The following SLC4A8 variants were observed in gnomAD, a reference collection of about 807,000 sequenced individuals.
The protein encoded by SLC4A8 is electroneutral sodium bicarbonate exchanger 1.
SLC4A8 carries 40 observed loss-of-function variants against 125.0 expected under a neutral mutation model. The ratio of observed to expected loss-of-function variants is 0.32; its 90% CI spans 0.25 to 0.42. SLC4A8 has a LOEUF of 0.42. Ranked by LOEUF, SLC4A8 falls within the 10% of genes least tolerant of loss-of-function variation. The pLI is 1.00. For missense variants in SLC4A8, 863 were observed against 1,355.1 expected (o/e 0.64, Z 5.70); for synonymous variants, 456 against 476.0 (o/e 0.96, Z 0.55).
chr12:51,483,277 A>G (rs1003323459), intron 16 of SLC4A8, among the ~76,000 whole-genome samples: 9 of 151,724 alleles, frequency 5.9e-5, no homozygotes, highest in African/African-American at 1.9e-4. Flanking sequence ...TTGGGGGGAG[A>G]ATATTTGCCT....
intron 1 of SLC4A8, among the ~76,000 whole-genome samples, chr12:51,427,063 G>T (rs1228119953): frequency 2.0e-5 from 3 of 150,752 alleles, no homozygotes; most frequent in South Asian, 2.1e-4. Context: ...CTCGGTCTCC[G>T]GAGTAGCTGC....
At chr12:51,447,263 T>TA (rs1727999536) in intron 2 of SLC4A8, among the ~76,000 whole-genome samples, 1 of 151,988 alleles carries the variant, frequency 6.6e-6, no homozygotes, top group East Asian at 1.9e-4. Flanking sequence ...TTTTTTTTTT[T>TA]ACACCTTTTG....
At chr12:51,490,190 A>C (rs1951271542) in intron 19 of SLC4A8, among the ~76,000 whole-genome samples, 1 of 152,172 alleles carries the variant, frequency 6.6e-6, no homozygotes, top group South Asian at 2.1e-4. Flanking sequence ...GCTTTCTGGC[A>C]CTATAGAGAA....
rs1301155593 is a variant in SLC4A8, at chr12:51,515,679, G to A, written c.*8241G>A. 4 of 152,116 alleles carry A rather than the reference G, an allele frequency of 2.6e-5. No homozygotes were observed. The highest frequency in any genetic ancestry group is 5.9e-5 in the Non-Finnish European group (4 of 68,016). The allele number at this position is 152,116 out of a possible 1,614,324, so 9.4% of individuals were successfully genotyped here. A position where few individuals can be genotyped will look rare whatever the true frequency, so the allele number is the denominator to read the frequency against. ...TCTGTGAACCAGGGCAGGTAATTGT[G>A]ACACTGCATCTCATAGAACTCTGCC... On this transcript the variant is annotated 3_prime_UTR_variant, in exon 25 of 25. Coordinates refer to ENST00000453097, the MANE Select transcript of SLC4A8 (RefSeq NM_001039960.3).
chr12:51,450,837 T>C, intron 2 of SLC4A8, 39 bp from the exon 3 acceptor site: 1 of 1,609,802 alleles, frequency 6.2e-7, no homozygotes, highest in Non-Finnish European at 8.5e-7. Context: ...TTTTTAAAAC[T>C]AAAGGAGTTC....
intron 2 of SLC4A8, among the ~76,000 whole-genome samples, chr12:51,445,223 T>A (rs530723462): frequency 6.6e-6 from 1 of 152,262 alleles, no homozygotes; most frequent in South Asian, 2.1e-4. Flanking sequence ...CCAGACTGAG[T>A]GCAGTAGTGC....
intron 22 of SLC4A8, 188 bp downstream of exon 22, chr12:51,497,312 G>A: frequency 3.2e-6 from 2 of 633,138 alleles, no homozygotes; most frequent in Non-Finnish European, 5.2e-6. Context: ...TTAATTTTTG[G>A]GTTTGACAAC....
chr12:51,458,615 G>T lies in SLC4A8; in HGVS notation c.820G>T (p.Val274Leu), dbSNP rs1950228346. The T allele has an allele frequency of 6.2e-7, 1 of 1,613,892 alleles. No homozygotes were observed. The highest frequency in any genetic ancestry group is 8.5e-7 in the Non-Finnish European group (1 of 1,179,764). The stretch of plus-strand genomic sequence containing the variant: ...TACAAATCTTGAAGTAAAAAATGGA[G>T]TGAATTGTGAACATAGTCCTGTGGA... ...PTTNLEVKNG[V>L]NCEHSPVDLS... is the part of the protein sequence containing the mutation. The change falls in exon 7 of 25, where the codon GTG becomes TTG. Residue 274 changes from valine to leucine, a missense_variant. Physicochemically the swap from Val to Leu is conservative, Grantham distance 32. This residue lies in a region of SLC4A8 where 390 missense variants were observed against 634.4 expected (regional missense o/e 0.61). Transcript: ENST00000453097.
At chr12:51,476,339 G>C (rs931266206) in intron 16 of SLC4A8, among the ~76,000 whole-genome samples, 1 of 152,184 alleles carries the variant, frequency 6.6e-6, no homozygotes, top group East Asian at 1.9e-4. Flanking sequence ...AAGTTAGTTG[G>C]GCATGGTAGC....
chr12:51,471,877 G>A (rs1485311654), intron 14 of SLC4A8, among the ~76,000 whole-genome samples: 1 of 152,214 alleles, frequency 6.6e-6, no homozygotes, highest in African/African-American at 2.4e-5. Flanking sequence ...AGGACTTTGT[G>A]AGCCTCTGGA....
At chr12:51,450,847 C>A (rs1445246306) in intron 2 of SLC4A8, 29 bp from the exon 3 acceptor site, 11 of 1,612,068 alleles carry the variant, frequency 6.8e-6, no homozygotes, top group Non-Finnish European at 9.3e-6. Context: ...TAAAGGAGTT[C>A]TCTCCACAGA....
At chr12:51,469,549 G>A (rs1950629851) in intron 11 of SLC4A8, 65 bp from the exon 12 acceptor site, 1 of 1,419,892 alleles carries the variant, frequency 7.0e-7, no homozygotes, top group Non-Finnish European at 9.8e-7. Context: ...TTTCAAATGT[G>A]TGCTGTTTAC....
chr12:51,410,540 C>T (rs1287172604), intron 1 of SLC4A8, among the ~76,000 whole-genome samples: 2 of 151,936 alleles, frequency 1.3e-5, no homozygotes, highest in East Asian at 1.9e-4. Context: ...TCACTGCAAT[C>T]TCTGCCTCCC....
chr12:51,429,035 G>A (rs1230817708), intron 1 of SLC4A8, among the ~76,000 whole-genome samples: 5 of 151,892 alleles, frequency 3.3e-5, no homozygotes, highest in East Asian at 1.9e-4. Flanking sequence ...TCAGCATCCC[G>A]AGTAGCTGGG....
intron 7 of SLC4A8, among the ~76,000 whole-genome samples, chr12:51,459,703 C>T (rs1372465047): frequency 5.9e-5 from 9 of 151,932 alleles, no homozygotes; most frequent in Admixed American, 5.9e-4. Context: ...GACCCCATCT[C>T]TACTAAAAAT....
At chr12:51,432,282 G>A (rs1398561562) in intron 1 of SLC4A8, among the ~76,000 whole-genome samples, 3 of 151,558 alleles carry the variant, frequency 2.0e-5, no homozygotes, top group African/African-American at 2.4e-5. Flanking sequence ...GTGGTGGCGG[G>A]CGCCTGTAGT....
At chr12:51,449,452 A>T (rs1182906357) in intron 2 of SLC4A8, among the ~76,000 whole-genome samples, 1 of 150,146 alleles carries the variant, frequency 6.7e-6, no homozygotes, top group African/African-American at 2.4e-5. Context: ...AAAAAAACTG[A>T]TGCAAAGTCA....
At chr12:51,419,683 C>T (rs1948747033) in intron 1 of SLC4A8, among the ~76,000 whole-genome samples, 1 of 152,206 alleles carries the variant, frequency 6.6e-6, no homozygotes, top group South Asian at 2.1e-4. Context: ...TTTTGTTCTG[C>T]TCCCTCTAGA....
At chr12:51,460,778 A>G (rs1274862510) in intron 8 of SLC4A8, among the ~76,000 whole-genome samples, 1 of 152,234 alleles carries the variant, frequency 6.6e-6, no homozygotes, top group Non-Finnish European at 1.5e-5. Context: ...GAGTATTCAG[A>G]TGTCCAGAAC....
Sources: gnomAD v4.1 joint callset for allele counts (sites outside exome capture counted in the v4.1 genomes callset) on GRCh38, gnomAD v4.1.1 for gene constraint, gnomAD v4.1.1 regional missense constraint, MANE v1.5 for transcripts, NCBI Gene and HGNC (gene_info 2026-07-23, HGNC 2026-07-21) for gene names.